The following CSMD1 variants were observed in gnomAD, a reference collection of about 807,000 sequenced individuals.
CSMD1 encodes CUB and sushi domain-containing protein 1.
CSMD1 carries 213 observed loss-of-function variants against 417.5 expected under a neutral mutation model. The observed-to-expected ratio is 0.51, with a 90% CI of 0.46 to 0.57. The LOEUF (loss-of-function observed/expected upper bound fraction) is 0.57, where lower values mean the gene tolerates loss of function less well. CSMD1 is among the 20% of genes least tolerant of loss of function. The pLI is 0.00. For synonymous variants in CSMD1, 2,862 were observed against 1,736.8 expected (o/e 1.65, Z -16.11); for missense variants, 6,923 against 4,529.7 (o/e 1.53, Z -15.17).
At chr8:4,839,632 G>A (rs558984078) in intron 1 of CSMD1, among the ~76,000 whole-genome samples, 1 of 152,102 alleles carries the variant, frequency 6.6e-6, no homozygotes, top group South Asian at 2.1e-4. Context: ...AGAAGAACTT[G>A]TTCCTCACAC....
chr8:4,925,744 T>A (rs2117166446), intron 1 of CSMD1, among the ~76,000 whole-genome samples: 1 of 152,224 alleles, frequency 6.6e-6, no homozygotes, highest in Admixed American at 6.5e-5. Context: ...AGACGGGGTT[T>A]CACCGTGTTG....
chr8:3,974,842 G>A (rs1215461093), intron 5 of CSMD1, among the ~76,000 whole-genome samples: 1 of 151,992 alleles, frequency 6.6e-6, no homozygotes, highest in Non-Finnish European at 1.5e-5. Context: ...TGTTTTACCA[G>A]AGTAAGATAT....
At chr8:4,325,005 G>C (rs1383242568) in intron 3 of CSMD1, among the ~76,000 whole-genome samples, 1 of 152,094 alleles carries the variant, frequency 6.6e-6, no homozygotes, top group South Asian at 2.1e-4. Flanking sequence ...TCCTGGTGTG[G>C]TCACTCATTG....
intron 1 of CSMD1, among the ~76,000 whole-genome samples, chr8:4,979,027 CTAT>C (rs1244223020): frequency 1.3e-5 from 2 of 152,128 alleles, no homozygotes; most frequent in Non-Finnish European, 2.9e-5. Context: ...GCAAAATTTC[CTAT>C]TATTTCCTCT....
intron 11 of CSMD1, among the ~76,000 whole-genome samples, chr8:3,479,083 T>A (rs1585225225): frequency 6.6e-6 from 1 of 151,876 alleles, no homozygotes; most frequent in South Asian, 2.1e-4. Context: ...CAGAAAGCAG[T>A]GGAGACTCCT....
intron 5 of CSMD1, among the ~76,000 whole-genome samples, chr8:3,886,347 C>A (rs1235190725): frequency 6.6e-6 from 1 of 152,160 alleles, no homozygotes; most frequent in African/African-American, 2.4e-5. Context: ...CTGTGCCAGG[C>A]CCATTATATA....
intron 1 of CSMD1, among the ~76,000 whole-genome samples, chr8:4,670,593 G>T (rs1462143370): frequency 3.9e-5 from 6 of 152,092 alleles, no homozygotes; most frequent in African/African-American, 1.2e-4. Flanking sequence ...TTTGCTATAG[G>T]CAGTTCTGTA....
chr8:4,192,343 T>C (rs1799078753), intron 3 of CSMD1, among the ~76,000 whole-genome samples: 1 of 152,202 alleles, frequency 6.6e-6, no homozygotes, highest in Admixed American at 6.5e-5. Flanking sequence ...GGAGCTATAA[T>C]CAGCAGTTCT....
At chr8:2,942,856 A>C (rs1801984958) in intron 68 of CSMD1, among the ~76,000 whole-genome samples, 2 of 152,218 alleles carry the variant, frequency 1.3e-5, no homozygotes, top group African/African-American at 4.8e-5. Flanking sequence ...TGAGAAAGGC[A>C]AAAGGGTCAG....
chr8:4,287,444 A>C (rs1208821700), intron 3 of CSMD1, among the ~76,000 whole-genome samples: 1 of 152,126 alleles, frequency 6.6e-6, no homozygotes, highest in Admixed American at 6.6e-5. Context: ...CTTACGTCCA[A>C]TATTGAGTAA....
intron 3 of CSMD1, among the ~76,000 whole-genome samples, chr8:4,156,894 G>T (rs1288848893): frequency 1.3e-5 from 2 of 152,142 alleles, no homozygotes; most frequent in African/African-American, 2.4e-5. Flanking sequence ...AAAATGGAGT[G>T]CATTTTTCTT....
intron 1 of CSMD1, among the ~76,000 whole-genome samples, chr8:4,809,869 G>A (rs772050750): frequency 3.9e-4 from 60 of 152,238 alleles, no homozygotes; most frequent in Non-Finnish European, 6.3e-4. Context: ...TGGGGCAAGC[G>A]GTTGCCATAT....
chr8:3,828,308 G>C (rs1294859117), intron 5 of CSMD1, among the ~76,000 whole-genome samples: 1 of 152,142 alleles, frequency 6.6e-6, no homozygotes, highest in Non-Finnish European at 1.5e-5. Context: ...TGGAACACCT[G>C]TCTCAGCTTT....
intron 2 of CSMD1, among the ~76,000 whole-genome samples, chr8:4,563,298 G>C (rs1281914581): frequency 2.0e-5 from 3 of 152,174 alleles, no homozygotes; most frequent in African/African-American, 7.2e-5. Flanking sequence ...CTACTTGGGA[G>C]GCTGAAGCAG....
At chr8:3,497,052 G>A (rs1485479763) in intron 10 of CSMD1, among the ~76,000 whole-genome samples, 3 of 152,118 alleles carry the variant, frequency 2.0e-5, no homozygotes, top group Non-Finnish European at 4.4e-5. Flanking sequence ...CTTGTTTTGT[G>A]GGATAACATA....
At chr8:4,048,271 T>C (rs547861473) in intron 3 of CSMD1, among the ~76,000 whole-genome samples, 2 of 152,308 alleles carry the variant, frequency 1.3e-5, no homozygotes, top group South Asian at 4.1e-4. Context: ...CTACACATTT[T>C]TACACTAATT....
chr8:4,231,561 G>C (rs1335279248), intron 3 of CSMD1, among the ~76,000 whole-genome samples: 1 of 152,082 alleles, frequency 6.6e-6, no homozygotes, highest in African/African-American at 2.4e-5. Flanking sequence ...AATGACAACA[G>C]TTTGCATGTA....
rs571694110 is a variant in CSMD1 at position 4,736,744 on chromosome 8, C to G, written c.86-99186G>C. On this transcript the variant is annotated intron_variant, in intron 1 of 69. Coordinates refer to ENST00000635120, the MANE Select transcript of CSMD1 (RefSeq NM_033225.6). ...CTGGGAGAAAATGGTATACTGCAAA[C>G]TTTGGAAGCAGGTTTCATGTTTGTG... 1.3e-3 allele frequency among the ~76,000 whole-genome samples: 200 copies of G among 152,252 alleles called. 6 individuals are homozygous for G. The South Asian group carries it at 0.038, about 29-fold the overall frequency.
intron 23 of CSMD1, among the ~76,000 whole-genome samples, chr8:3,327,579 G>A (rs1312046053): frequency 2.0e-5 from 3 of 152,104 alleles, no homozygotes; most frequent in African/African-American, 4.8e-5. Context: ...ATGTCACCAT[G>A]TTGTACTCAA....
Sources: gnomAD v4.1 joint callset for allele counts (sites outside exome capture counted in the v4.1 genomes callset) on GRCh38, gnomAD v4.1.1 for gene constraint, MANE v1.5 for transcripts, NCBI Gene and HGNC (gene_info 2026-07-23, HGNC 2026-07-21) for gene names.